The following AFF3 variants were observed in gnomAD, a reference collection of about 807,000 sequenced individuals.
The protein encoded by AFF3 is AF4/FMR2 family member 3.
A neutral mutation model predicts 129.7 loss-of-function variants in AFF3; 32 were observed. That is an observed-to-expected ratio of 0.25 (90% CI 0.19 to 0.33). The LOEUF is 0.33. AFF3 is among the 10% of genes least tolerant of loss of function. AFF3 has a pLI of 1.00. For missense variants in AFF3, 1,373 were observed against 1,592.0 expected (o/e 0.86, Z 2.34); for synonymous variants, 644 against 635.4 (o/e 1.01, Z -0.20).
intron 2 of AFF3, among the ~76,000 whole-genome samples, chr2:100,122,064 G>A (rs1022391873): frequency 1.1e-4 from 17 of 152,234 alleles, no homozygotes; most frequent in South Asian, 2.1e-4. Flanking sequence ...GCGAGACTCC[G>A]TCTCAAAAAA....
chr2:99,985,712 G>A (rs1170888120), intron 7 of AFF3, among the ~76,000 whole-genome samples: 1 of 152,168 alleles, frequency 6.6e-6, no homozygotes, highest in Non-Finnish European at 1.5e-5. Flanking sequence ...TTAGAAGTCA[G>A]GATAGTGGCC....
At chr2:100,067,465 T>C (rs1446567538) in intron 4 of AFF3, among the ~76,000 whole-genome samples, 1 of 152,216 alleles carries the variant, frequency 6.6e-6, no homozygotes, top group African/African-American at 2.4e-5. Context: ...GTGATCAGTC[T>C]GTTCCCTGAA....
chr2:100,020,058 A>C (rs1683460404), intron 4 of AFF3, among the ~76,000 whole-genome samples: 1 of 152,054 alleles, frequency 6.6e-6, no homozygotes, highest in South Asian at 2.1e-4. Context: ...TATCAGCCAC[A>C]GTTTTCTGCA....
chr2:100,067,603 G>A (rs1182769534), intron 4 of AFF3, among the ~76,000 whole-genome samples: 1 of 152,026 alleles, frequency 6.6e-6, no homozygotes, highest in Non-Finnish European at 1.5e-5. Context: ...GCCAATAGTG[G>A]CATTAATAAT....
intron 8 of AFF3, among the ~76,000 whole-genome samples, chr2:99,805,279 ATAATAAGAAACAT>A (rs1205052462): frequency 2.6e-5 from 4 of 152,216 alleles, no homozygotes; most frequent in African/African-American, 9.6e-5. Context: ...TACCTGCTTG[ATAATAAGAAACAT>A]TCACCTCTCT....
chr2:99,573,250 T>C (rs1004971134), intron 18 of AFF3, among the ~76,000 whole-genome samples: 3 of 148,716 alleles, frequency 2.0e-5, no homozygotes, highest in Non-Finnish European at 2.9e-5. Context: ...TTGCAAATCC[T>C]ACTTCATTTC....
chr2:99,780,298 C>T (rs1014829428), intron 8 of AFF3, among the ~76,000 whole-genome samples: 4 of 152,180 alleles, frequency 2.6e-5, no homozygotes, highest in African/African-American at 7.2e-5. Context: ...AACCTCTCAG[C>T]GCTCTGTCTG....
intron 7 of AFF3, among the ~76,000 whole-genome samples, chr2:100,000,527 CA>C (rs1681293290): frequency 6.6e-6 from 1 of 150,904 alleles, no homozygotes. Context: ...CACACACACA[CA>C]CACATACACA....
intron 4 of AFF3, among the ~76,000 whole-genome samples, chr2:100,041,174 G>A (rs1332789001): frequency 6.6e-6 from 1 of 152,200 alleles, no homozygotes; most frequent in Non-Finnish European, 1.5e-5. Flanking sequence ...TCACACGGAA[G>A]CTACTAAATG....
At chr2:99,841,062 G>C (rs1689284472) in intron 7 of AFF3, among the ~76,000 whole-genome samples, 1 of 152,078 alleles carries the variant, frequency 6.6e-6, no homozygotes, top group African/African-American at 2.4e-5. Flanking sequence ...AGGTCCTCCT[G>C]GTGGAATCAC....
At chr2:99,695,609 C>T (rs572168576) in intron 11 of AFF3, among the ~76,000 whole-genome samples, 1 of 152,304 alleles carries the variant, frequency 6.6e-6, no homozygotes, top group Admixed American at 6.5e-5. Flanking sequence ...CCACACAGGA[C>T]AGACAGGGAG....
Position 99,587,254 on chromosome 2 carries a change from C to T in AFF3, c.2491G>A (p.Glu831Lys). The T allele has an allele frequency of 6.2e-7, 1 of 1,614,134 alleles. No homozygotes were observed. Among genetic ancestry groups the T allele is most frequent in the Non-Finnish European group, 8.5e-7 (1 of 1,180,004 alleles). The change falls in exon 16 of 25, where the codon GAG (glutamate) becomes AAG (lysine). Residue 831 changes from glutamate to lysine, a missense_variant. By Grantham distance (56) the Glu-to-Lys change is moderately conservative. Transcript: ENST00000672756. Reference sequence around the variant, plus strand: ...TTCTCTCCCTGGGACTTCTTGATCTCCCTGTAGTCGTCTTCGTTGTCACAC... The same window carrying T: ...TTCTCTCCCTGGGACTTCTTGATCTTCCTGTAGTCGTCTTCGTTGTCACAC... ...RKCDNEDDYREIKKSQGEKDS... is the reference protein window; with the variant it reads ...RKCDNEDDYRKIKKSQGEKDS...
At chr2:99,741,692 C>T (rs1351989932) in intron 10 of AFF3, among the ~76,000 whole-genome samples, 1 of 152,002 alleles carries the variant, frequency 6.6e-6, no homozygotes, top group African/African-American at 2.4e-5. Context: ...CTACCAATGA[C>T]TTTCTTCACA....
chr2:99,845,176 A>C (rs1330426463), intron 7 of AFF3, among the ~76,000 whole-genome samples: 2 of 152,184 alleles, frequency 1.3e-5, no homozygotes, highest in African/African-American at 4.8e-5. Flanking sequence ...AAGTCATTTG[A>C]CTTCCCTAAT....
At chr2:99,701,901 C>G (rs1022315317) in intron 11 of AFF3, among the ~76,000 whole-genome samples, 1 of 152,224 alleles carries the variant, frequency 6.6e-6, no homozygotes, top group African/African-American at 2.4e-5. Flanking sequence ...AGGTTACATA[C>G]GTGGAATGTG....
At chr2:99,785,770 C>CAG (rs1311506274) in intron 8 of AFF3, among the ~76,000 whole-genome samples, 1 of 152,060 alleles carries the variant, frequency 6.6e-6, no homozygotes, top group Non-Finnish European at 1.5e-5. Context: ...TATTTTTAGA[C>CAG]AGAGTCACGC....
intron 13 of AFF3, among the ~76,000 whole-genome samples, chr2:99,607,163 G>A (rs963001643): frequency 6.6e-6 from 1 of 152,104 alleles, no homozygotes; most frequent in African/African-American, 2.4e-5. Context: ...TGCTTGGTGT[G>A]TTTCTTCCTA....
chr2:100,025,565 A>C (rs1382622101), intron 4 of AFF3, among the ~76,000 whole-genome samples: 1 of 152,196 alleles, frequency 6.6e-6, no homozygotes. Context: ...ATTCATATGG[A>C]ACCAAAAAAG....
rs36002623 is a variant in AFF3 at position 100,041,966 on chromosome 2, G to A, written c.54-33034C>T. Among the ~76,000 whole-genome samples the A allele has an allele frequency of 7.6e-3, 1,154 of 152,050 alleles. 9 individuals are homozygous for A. The highest frequency in any genetic ancestry group is 0.013 in the Non-Finnish European group (869 of 67,966). On this transcript the variant is annotated intron_variant, in intron 4 of 24. Transcript: ENST00000672756. ...TTTTCCCTGGCTTTAAACCCTACATGGCTTCCCCATGCACTTACTATAAAC... is the reference window on the plus strand; with the variant it reads ...TTTTCCCTGGCTTTAAACCCTACATAGCTTCCCCATGCACTTACTATAAAC...
Sources: allele counts gnomAD v4.1 joint callset (sites outside exome capture counted in the v4.1 genomes callset), GRCh38; gene constraint gnomAD v4.1.1; transcripts MANE v1.5; gene names NCBI Gene and HGNC (gene_info 2026-07-23, HGNC 2026-07-21).